PDZD2: variants seen among roughly 807,000 people sequenced by gnomAD.
The protein encoded by PDZD2 is PDZ domain-containing protein 2.
Under a neutral mutation model 220.7 loss-of-function variants are expected in PDZD2, and 90 were observed. That is an observed-to-expected ratio of 0.41 (90% CI 0.34 to 0.49). The LOEUF is 0.49. Among genes scored for constraint, PDZD2 ranks in the 20% least tolerant of loss-of-function variants. The pLI is 0.28. For missense variants in PDZD2, 3,174 were observed against 3,608.5 expected (o/e 0.88, Z 3.08); for synonymous variants, 1,375 against 1,450.5 (o/e 0.95, Z 1.18).
chr5:32,101,260 G>T (rs1162364022), intron 24 of PDZD2, 21 bp downstream of exon 24: 1 of 1,565,158 alleles, frequency 6.4e-7, no homozygotes, highest in Non-Finnish European at 8.7e-7. Flanking sequence ...AGACAACTCA[G>T]TCAGCCTTCT....
intron 13 of PDZD2, among the ~76,000 whole-genome samples, 155 bp downstream of exon 13, chr5:32,059,511 A>G (rs554687414): frequency 6.6e-6 from 1 of 152,334 alleles, no homozygotes; most frequent in South Asian, 2.1e-4. Flanking sequence ...AGCATCTCCA[A>G]AAATGTAAAT....
chr5:32,009,211 G>A (rs1753091940), intron 5 of PDZD2, among the ~76,000 whole-genome samples: 1 of 151,938 alleles, frequency 6.6e-6, no homozygotes, highest in East Asian at 1.9e-4. Context: ...AGGCATGGTG[G>A]CGTGTGCCTG....
intron 2 of PDZD2, among the ~76,000 whole-genome samples, chr5:31,924,595 T>C (rs546264359): frequency 6.6e-6 from 1 of 152,314 alleles, no homozygotes; most frequent in African/African-American, 2.4e-5. Flanking sequence ...AATCTTTTCA[T>C]CTGGATACTC....
chr5:31,758,298 G>C (rs774278770), intron 1 of PDZD2, among the ~76,000 whole-genome samples: 1 of 152,250 alleles, frequency 6.6e-6, no homozygotes, highest in Non-Finnish European at 1.5e-5. Context: ...CTTGGAAGTC[G>C]TGCCCAGTGA....
At chr5:32,075,253 G>A (rs1320585228) in intron 18 of PDZD2, among the ~76,000 whole-genome samples, 1 of 152,174 alleles carries the variant, frequency 6.6e-6, no homozygotes, top group Non-Finnish European at 1.5e-5. Flanking sequence ...AAAACCATGG[G>A]CCTGGCATGA....
intron 2 of PDZD2, among the ~76,000 whole-genome samples, chr5:31,961,737 G>A (rs1239393687): frequency 6.6e-6 from 1 of 152,168 alleles, no homozygotes; most frequent in Non-Finnish European, 1.5e-5. Context: ...CTCTGCCTCC[G>A]GTTTCAAGGG....
At chr5:32,079,758 C>T (rs1208672236) in intron 19 of PDZD2, among the ~76,000 whole-genome samples, 1 of 151,964 alleles carries the variant, frequency 6.6e-6, no homozygotes, top group Non-Finnish European at 1.5e-5. Flanking sequence ...TTGCAGTGAG[C>T]CGAGATCGAG....
intron 2 of PDZD2, among the ~76,000 whole-genome samples, chr5:31,859,212 C>T (rs1737451104): frequency 6.6e-6 from 1 of 152,296 alleles, no homozygotes; most frequent in Admixed American, 6.5e-5. Context: ...TTCAAATTTT[C>T]AGAGAGACTG....
chr5:32,040,132 C>T (rs1217613857), intron 7 of PDZD2, among the ~76,000 whole-genome samples: 15 of 145,934 alleles, frequency 1.0e-4, no homozygotes, highest in African/African-American at 3.1e-4. Flanking sequence ...TCTGCCTGGC[C>T]GCCCAGTCTA....
chr5:32,088,183 C>T lies in PDZD2; in HGVS notation c.4735C>T (p.Pro1579Ser), dbSNP rs1349627410. The T allele has an allele frequency of 6.2e-7, 1 of 1,614,112 alleles. No individual in the cohort carries two copies. Among genetic ancestry groups the T allele is most frequent in the East Asian group, 2.2e-5 (1 of 44,876 alleles). ...PRASARDGWS[P>S]PRSRVSLHKE... ...AGCTTCTGCCAGGGACGGCTGGTCC[C>T]CTCCTCGTTCCCGTGTGTCTTTGCA... is the stretch of plus-strand genomic sequence containing the variant. The change falls in exon 20 of 25, where the codon CCT becomes TCT. Residue 1579 changes from proline to serine, a missense_variant. This residue lies in a region of PDZD2 where 1,861 missense variants were observed against 2,001.0 expected (regional missense o/e 0.93). Coordinates refer to ENST00000438447, the MANE Select transcript of PDZD2 (RefSeq NM_178140.4). The surrounding 1 kb of genome is among the most constrained non-coding windows in gnomAD (Gnocchi z 4.6).
intron 7 of PDZD2, among the ~76,000 whole-genome samples, chr5:32,043,740 G>A (rs1027050637): frequency 2.6e-5 from 4 of 151,954 alleles, no homozygotes; most frequent in Admixed American, 6.6e-5. Context: ...TGATTCTCGC[G>A]CCTCAGCCTC....
chr5:31,724,004 G>A (rs1350657077), intron 1 of PDZD2, among the ~76,000 whole-genome samples: 1 of 152,034 alleles, frequency 6.6e-6, no homozygotes, highest in Admixed American at 6.6e-5. Context: ...TAAATGCACA[G>A]GCCAAGTGCT....
rs564756611 is a variant in PDZD2, at chr5:32,000,655, C to T, written c.1254+384C>T. 3.3e-5 allele frequency among the ~76,000 whole-genome samples: 5 copies of T among 152,180 alleles called. No individual in the cohort carries two copies. The highest frequency in any genetic ancestry group is 3.9e-4 in the East Asian group (2 of 5,160). ...CCTCCCAAGTAGCTAGGATTACAGC[C>T]ACATGCCATCACACCCGGCTAATTT... On this transcript the variant is annotated intron_variant, in intron 5 of 24. Transcript: ENST00000438447. This position sits in a 1 kb window ranked among gnomAD's most constrained non-coding sequence, Gnocchi z 4.5.
intron 2 of PDZD2, among the ~76,000 whole-genome samples, chr5:31,890,135 A>ATTTTTTTTTTTTTTT (rs59916833): frequency 1.0e-5 from 1 of 98,240 alleles, no homozygotes. Context: ...CTTTTTTGTG[A>ATTTTTTTTTTTTTTT]TTTTTTTTTT....
chr5:31,789,232 C>T (rs549134659), intron 1 of PDZD2, among the ~76,000 whole-genome samples: 1 of 152,304 alleles, frequency 6.6e-6, no homozygotes, highest in East Asian at 1.9e-4. Flanking sequence ...ATGAAAGGAG[C>T]CTCCCTGGAT....
intron 2 of PDZD2, among the ~76,000 whole-genome samples, chr5:31,892,596 C>A (rs1461509506): frequency 6.6e-6 from 1 of 151,678 alleles, no homozygotes; most frequent in East Asian, 1.9e-4. Context: ...GTAGGGGAGT[C>A]TTGCCCTGTC....
At chr5:32,036,143 T>C (rs147206133) in intron 6 of PDZD2, among the ~76,000 whole-genome samples, 1 of 152,264 alleles carries the variant, frequency 6.6e-6, no homozygotes, top group Non-Finnish European at 1.5e-5. Flanking sequence ...GTATTTTTAG[T>C]AGAGACGGGG....
At chr5:32,010,219 C>T in intron 5 of PDZD2, 111 bp from the exon 6 acceptor site, 1 of 709,580 alleles carries the variant, frequency 1.4e-6, no homozygotes, top group South Asian at 2.2e-5. Flanking sequence ...ACATTTACTC[C>T]ATGTAGTCTT....
intron 2 of PDZD2, among the ~76,000 whole-genome samples, chr5:31,919,008 T>C (rs2150376867): frequency 6.6e-6 from 1 of 152,326 alleles, no homozygotes; most frequent in East Asian, 1.9e-4. Flanking sequence ...CATTTCCCAC[T>C]TTCCCCTTTG....
Sources: gnomAD v4.1 joint callset for allele counts (sites outside exome capture counted in the v4.1 genomes callset) on GRCh38, gnomAD v4.1.1 for gene constraint, gnomAD v4.1.1 regional missense constraint, Gnocchi (gnomAD v3.1) non-coding constraint, MANE v1.5 for transcripts, NCBI Gene and HGNC (gene_info 2026-07-23, HGNC 2026-07-21) for gene names.